GABBR2: variants seen among roughly 807,000 people sequenced by gnomAD.
The protein encoded by GABBR2 is gamma-aminobutyric acid type B receptor subunit 2, also known as G-protein coupled receptor 51.
A neutral mutation model predicts 105.6 loss-of-function variants in GABBR2; 23 were observed. The observed-to-expected ratio is 0.22, with a 90% CI of 0.16 to 0.31. The LOEUF is 0.31. Among genes scored for constraint, GABBR2 ranks in the 10% least tolerant of loss-of-function variants. The pLI, the probability that GABBR2 is intolerant of heterozygous loss-of-function variation, is 1.00. For missense variants in GABBR2, 734 were observed against 1,245.5 expected (o/e 0.59, Z 6.18); for synonymous variants, 478 against 499.7 (o/e 0.96, Z 0.58).
chr9:98,455,520 G>C (rs564042431), intron 6 of GABBR2, among the ~76,000 whole-genome samples: 1 of 152,348 alleles, frequency 6.6e-6, no homozygotes, highest in African/African-American at 2.4e-5. Flanking sequence ...GGCACAGAGA[G>C]GTGCAGAGAC....
intron 1 of GABBR2, among the ~76,000 whole-genome samples, chr9:98,635,422 A>T (rs1374950079): frequency 6.6e-6 from 1 of 152,196 alleles, no homozygotes; most frequent in Non-Finnish European, 1.5e-5. Flanking sequence ...GGGGACACTC[A>T]GAGGGCTAGA....
chr9:98,602,455 G>C (rs1312779693), intron 1 of GABBR2, among the ~76,000 whole-genome samples: 1 of 83,046 alleles, frequency 1.2e-5, no homozygotes, highest in Non-Finnish European at 2.4e-5. Flanking sequence ...GCTAGACTCT[G>C]TCTCAAAAAA....
rs146869670 is a variant in GABBR2, at chr9:98,592,489, A to T, written c.322-14417T>A. On this transcript the variant is annotated intron_variant, in intron 1 of 18. Coordinates refer to ENST00000259455, the MANE Select transcript of GABBR2 (RefSeq NM_005458.8). ...ACTGTTATTAGCATTCATTTAACAG[A>T]GGAGGAAAGACAGGTTCAGGGAGCT... Among the ~76,000 whole-genome samples the T allele has an allele frequency of 3.0e-4, 45 of 152,348 alleles. No homozygotes were observed. The East Asian group carries it at 8.5e-3, about 29-fold the overall frequency.
At chr9:98,626,848 C>T (rs1829743980) in intron 1 of GABBR2, among the ~76,000 whole-genome samples, 1 of 152,172 alleles carries the variant, frequency 6.6e-6, no homozygotes, top group South Asian at 2.1e-4. Flanking sequence ...TAATTTCTGC[C>T]TCTGTCTTGA....
chr9:98,412,874 T>G (rs1832614415), intron 7 of GABBR2, among the ~76,000 whole-genome samples: 1 of 152,234 alleles, frequency 6.6e-6, no homozygotes, highest in Admixed American at 6.5e-5. Flanking sequence ...AGACAGGCCT[T>G]GCTGGGTTCC....
intron 13 of GABBR2, among the ~76,000 whole-genome samples, chr9:98,351,217 T>C (rs1437623708): frequency 6.6e-6 from 1 of 152,208 alleles, no homozygotes; most frequent in East Asian, 1.9e-4. Context: ...AATTGAGGTA[T>C]TTAAACCATT....
intron 13 of GABBR2, among the ~76,000 whole-genome samples, chr9:98,316,855 G>A (rs1830727811): frequency 6.6e-6 from 1 of 152,286 alleles, no homozygotes; most frequent in South Asian, 2.1e-4. Context: ...ACAGAGAGGT[G>A]AAGTAACTTG....
rs144339116 is a variant in GABBR2, at chr9:98,319,211, G to A, written c.1894-8006C>T. On this transcript the variant is annotated intron_variant, in intron 13 of 18. Transcript: ENST00000259455. ...CTGGCAAGATGATCAAAGGAGGTGCGGTGTGACTCGCAAGCTGGAGAGACG... is the reference window on the plus strand; with the variant it reads ...CTGGCAAGATGATCAAAGGAGGTGCAGTGTGACTCGCAAGCTGGAGAGACG... Among the ~76,000 whole-genome samples, 243 of 152,174 alleles carry A rather than the reference G, an allele frequency of 1.6e-3. 1 individual carries two copies. The highest frequency in any genetic ancestry group is 5.7e-3 in the African/African-American group (235 of 41,522).
At chr9:98,446,593 T>G (rs889058543) in intron 7 of GABBR2, among the ~76,000 whole-genome samples, 5 of 152,178 alleles carry the variant, frequency 3.3e-5, no homozygotes, top group Admixed American at 6.5e-5. Context: ...TCAAATCAGC[T>G]CCTATGTTAA....
At chr9:98,434,591 G>A (rs1024949661) in intron 7 of GABBR2, among the ~76,000 whole-genome samples, 17 of 152,110 alleles carry the variant, frequency 1.1e-4, no homozygotes, top group Middle Eastern at 3.2e-3. Flanking sequence ...GTGCACAATC[G>A]GCTCTCAGCA....
At chr9:98,367,753 C>T (rs1270326220) in intron 12 of GABBR2, among the ~76,000 whole-genome samples, 1 of 152,028 alleles carries the variant, frequency 6.6e-6, no homozygotes, top group African/African-American at 2.4e-5. Context: ...ATTTACCAAC[C>T]AAATTACAGG....
At chr9:98,341,743 G>T (rs1330410340) in intron 13 of GABBR2, among the ~76,000 whole-genome samples, 2 of 152,144 alleles carry the variant, frequency 1.3e-5, no homozygotes, top group African/African-American at 4.8e-5. Context: ...GACACAAACT[G>T]AACAACATCC....
At chr9:98,420,416 A>C (rs10283767) in intron 7 of GABBR2, among the ~76,000 whole-genome samples, 19,612 of 152,192 alleles carry the variant, frequency 0.13, 1,724 homozygotes, top group East Asian at 0.37. Flanking sequence ...GAGCAAAGGC[A>C]TGTGCAGGGC....
chr9:98,425,528 G>A (rs1344046498), intron 7 of GABBR2, among the ~76,000 whole-genome samples: 2 of 152,144 alleles, frequency 1.3e-5, no homozygotes, highest in African/African-American at 4.8e-5. Flanking sequence ...GGTATAACAC[G>A]CAGAGCAAAC....
chr9:98,311,677 G>A (rs928950577), intron 13 of GABBR2, among the ~76,000 whole-genome samples: 7 of 152,230 alleles, frequency 4.6e-5, no homozygotes, highest in Non-Finnish European at 8.8e-5. Flanking sequence ...CTTCTGAGGA[G>A]ACCCTCTTGC....
chr9:98,444,895 ACACACG>A (rs898752427), intron 7 of GABBR2, among the ~76,000 whole-genome samples: 2 of 151,622 alleles, frequency 1.3e-5, no homozygotes, highest in African/African-American at 4.9e-5. Context: ...ACACACACAC[ACACACG>A]CACGTGACCT....
intron 4 of GABBR2, among the ~76,000 whole-genome samples, chr9:98,483,627 C>G (rs762148002): frequency 6.6e-6 from 1 of 152,226 alleles, no homozygotes; most frequent in Non-Finnish European, 1.5e-5. Context: ...TTCATTCATT[C>G]ATTTATTCAT....
chr9:98,522,306 GAACAA>G (rs1588210548), intron 3 of GABBR2, among the ~76,000 whole-genome samples: 1 of 151,992 alleles, frequency 6.6e-6, no homozygotes, highest in African/African-American at 2.4e-5. Context: ...AAAGATATCA[GAACAA>G]AAGAGTAATA....
chr9:98,675,971 C>T (rs185370249), intron 1 of GABBR2, among the ~76,000 whole-genome samples: 10 of 152,300 alleles, frequency 6.6e-5, no homozygotes, highest in Admixed American at 6.5e-4. Context: ...ATAGATAGAA[C>T]AAAGCACACC....
Sources: gnomAD v4.1 joint callset for allele counts (sites outside exome capture counted in the v4.1 genomes callset) on GRCh38, gnomAD v4.1.1 for gene constraint, MANE v1.5 for transcripts, NCBI Gene and HGNC (gene_info 2026-07-23, HGNC 2026-07-21) for gene names.